The following TBC1D16 variants were observed in gnomAD, a reference collection of about 807,000 sequenced individuals.
TBC1D16 encodes the protein TBC1 domain family member 16, also known as CTD-2529O21.1.
In TBC1D16, 58 loss-of-function variants were observed where a neutral mutation model predicts 74.7. The ratio of observed to expected loss-of-function variants is 0.78; its 90% CI spans 0.63 to 0.97. The LOEUF is 0.97. Among genes scored for constraint, TBC1D16 ranks in the 50% least tolerant of loss-of-function variants. The probability of loss-of-function intolerance (pLI) is 0.00; values close to 1 mark genes in which losing one functional copy is unlikely to be tolerated. For synonymous variants in TBC1D16, 493 were observed against 474.7 expected (o/e 1.04, Z -0.50); for missense variants, 1,014 against 1,079.5 (o/e 0.94, Z 0.85).
At chr17:79,989,131 C>T (rs963523935) in intron 3 of TBC1D16, among the ~76,000 whole-genome samples, 54 of 152,238 alleles carry the variant, frequency 3.5e-4, no homozygotes, top group African/African-American at 1.2e-3. Context: ...AAAGGACACC[C>T]CAAATGTGGA....
Position 79,934,946 on chromosome 17 carries a change from A to AG in TBC1D16, c.*5912dup, listed in dbSNP as rs1398605003. 1 of 152,338 alleles carries AG rather than the reference A, an allele frequency of 6.6e-6. No homozygotes were observed. The highest frequency in any genetic ancestry group is 1.5e-5 in the Non-Finnish European group (1 of 68,128). 9.4% of individuals were successfully genotyped at this position (152,338 alleles called of 1,614,324 possible). On this transcript the variant is annotated 3_prime_UTR_variant, in exon 12 of 12. Transcript: ENST00000310924. ...AGCTCCCCGCCCCCCGTGCTCCGGGAGGACCAGGAGACCTGCTCCATGGGC... is the reference window on the plus strand; with the variant it reads ...AGCTCCCCGCCCCCCGTGCTCCGGGAGGGACCAGGAGACCTGCTCCATGGGC...
intron 3 of TBC1D16, among the ~76,000 whole-genome samples, chr17:79,997,994 G>A (rs562422152): frequency 6.6e-6 from 1 of 152,076 alleles, no homozygotes; most frequent in East Asian, 1.9e-4. Context: ...GTGTGGTGGC[G>A]GGAGCCTGGA....
chr17:79,991,513 A>T lies in TBC1D16; in HGVS notation c.779+18647T>A, dbSNP rs2035056406. Among the ~76,000 whole-genome samples the T allele has an allele frequency of 2.0e-5, 3 of 152,186 alleles. No homozygotes were observed. The South Asian group carries it at 6.2e-4, about 32-fold the overall frequency. ...GAGTGGCGTCTGGCTGACCCTGACC[A>T]GGGGGACCTGGCCCAAGTGAGTGTG... On this transcript the variant is annotated intron_variant, in intron 3 of 11. Transcript: ENST00000310924.
In TBC1D16 at chr17:79,979,105, G is replaced by A. The variant is rs1224475635; in HGVS notation, c.780-26287C>T. ...TGATTCTAAACCAAAGCGCCCTCGT[G>A]GGCTCCACGCTCTCAGCCTGTCCAT... is the stretch of plus-strand genomic sequence containing the variant. On this transcript the variant is annotated intron_variant, in intron 3 of 11. Coordinates refer to ENST00000310924, the MANE Select transcript of TBC1D16 (RefSeq NM_019020.4). This position sits in a 1 kb window ranked among gnomAD's most constrained non-coding sequence, Gnocchi z 4.8. Among the ~76,000 whole-genome samples the A allele has an allele frequency of 6.6e-6, 1 of 152,220 alleles. No homozygotes were observed. The highest frequency in any genetic ancestry group is 1.5e-5 in the Non-Finnish European group (1 of 68,038).
Position 79,987,372 on chromosome 17 carries a change from G to A in TBC1D16, c.779+22788C>T, listed in dbSNP as rs1284891969. Among the ~76,000 whole-genome samples, 3 of 151,640 alleles carry A rather than the reference G, an allele frequency of 2.0e-5. No individual in the cohort carries two copies. Among genetic ancestry groups the A allele is most frequent in the East Asian group, 1.9e-4 (1 of 5,178 alleles). On this transcript the variant is annotated intron_variant, in intron 3 of 11. Coordinates refer to ENST00000310924, the MANE Select transcript of TBC1D16 (RefSeq NM_019020.4). The surrounding 1 kb of genome is among the most constrained non-coding windows in gnomAD (Gnocchi z 5.2). ...AGCGATCCTCCCACTTCAGCCTCCC[G>A]AGTAGCTGGGACCACAGGTGCACGC... is the stretch of plus-strand genomic sequence containing the variant.
intron 1 of TBC1D16, among the ~76,000 whole-genome samples, chr17:80,020,058 T>G (rs1294905514): frequency 6.7e-6 from 1 of 149,540 alleles, no homozygotes; most frequent in Non-Finnish European, 1.5e-5. Flanking sequence ...AGCAGGTGCC[T>G]ATATACAAGG....
At chr17:79,960,590 T>TTA (rs1175538174) in intron 3 of TBC1D16, among the ~76,000 whole-genome samples, 8 of 151,586 alleles carry the variant, frequency 5.3e-5, no homozygotes, top group Non-Finnish European at 1.0e-4. Flanking sequence ...ATCCCGTTTC[T>TTA]GCTAAAAATA....
chr17:79,934,744 C>G lies in TBC1D16; in HGVS notation c.*6115G>C, dbSNP rs1032032690. 9.8e-5 allele frequency: 15 copies of G among 152,448 alleles called. No homozygotes were observed. The highest frequency in any genetic ancestry group is 3.6e-4 in the African/African-American group (15 of 41,456). 9.4% of individuals were successfully genotyped at this position (152,448 alleles called of 1,614,324 possible). The stretch of plus-strand genomic sequence containing the variant: ...AGGAGGTGATGAGGCGCTCAGATGT[C>G]GAGGCCAAGGCCAGGTAGGTGGCAG... On this transcript the variant is annotated 3_prime_UTR_variant, in exon 12 of 12. Transcript: ENST00000310924.
chr17:79,972,768 C>T (rs1014311961), intron 3 of TBC1D16, among the ~76,000 whole-genome samples: 2 of 152,100 alleles, frequency 1.3e-5, no homozygotes, highest in Admixed American at 6.6e-5. Context: ...ATACCCACTG[C>T]CACTCAACTG....
intron 3 of TBC1D16, among the ~76,000 whole-genome samples, chr17:79,957,409 C>T (rs868414701): frequency 6.6e-5 from 10 of 152,158 alleles, no homozygotes; most frequent in Admixed American, 5.2e-4. Flanking sequence ...AACTTCAGTG[C>T]GTCTTACGAA....
rs1016577494 is a variant in TBC1D16 at position 80,008,915 on chromosome 17, C to T, written c.779+1245G>A. On this transcript the variant is annotated intron_variant, in intron 3 of 11. Coordinates refer to ENST00000310924, the MANE Select transcript of TBC1D16 (RefSeq NM_019020.4). The surrounding 1 kb of genome is among the most constrained non-coding windows in gnomAD (Gnocchi z 4.5). Reference sequence around the variant, plus strand: ...ATGCCCCACCACTCCCCGGCTTAATCGGCCTGGGGTGACCTTTTATGCTGC... The same window carrying T: ...ATGCCCCACCACTCCCCGGCTTAATTGGCCTGGGGTGACCTTTTATGCTGC... 2.0e-5 allele frequency among the ~76,000 whole-genome samples: 3 copies of T among 152,344 alleles called. No homozygotes were observed. The highest frequency in any genetic ancestry group is 4.8e-5 in the African/African-American group (2 of 41,586).
At position 79,954,162 on chromosome 17, in the gene TBC1D16, C is replaced by T. The variant is rs987748260; in HGVS notation, c.780-1344G>A. 7.9e-5 allele frequency among the ~76,000 whole-genome samples: 12 copies of T among 152,232 alleles called. No homozygotes were observed. The highest frequency in any genetic ancestry group is 2.9e-4 in the African/African-American group (12 of 41,464). ...TCTGGACCCCAACTGCAGCACCCCACAGAGACTCAGCCGCATTCACCGCAC... is the reference window on the plus strand; with the variant it reads ...TCTGGACCCCAACTGCAGCACCCCATAGAGACTCAGCCGCATTCACCGCAC... On this transcript the variant is annotated intron_variant, in intron 3 of 11. Transcript: ENST00000310924. The surrounding 1 kb of genome is among the most constrained non-coding windows in gnomAD (Gnocchi z 5.5).
rs944438442 is a variant in TBC1D16 at position 80,001,079 on chromosome 17, G to A, written c.779+9081C>T. On this transcript the variant is annotated intron_variant, in intron 3 of 11. Transcript: ENST00000310924. The surrounding 1 kb of genome is among the most constrained non-coding windows in gnomAD (Gnocchi z 5.8). ...GGGCGCCTGCTTGGCTTCTCCGCCT[G>A]ACAGTGAGACTGCTGGGGCGAGGCT... 3.9e-5 allele frequency among the ~76,000 whole-genome samples: 6 copies of A among 152,230 alleles called. No homozygotes were observed. Among genetic ancestry groups the A allele is most frequent in the Admixed American group, 3.3e-4 (5 of 15,288 alleles).
At chr17:80,003,197 C>T (rs370864238) in intron 3 of TBC1D16, among the ~76,000 whole-genome samples, 1 of 152,208 alleles carries the variant, frequency 6.6e-6, no homozygotes, top group East Asian at 1.9e-4. Flanking sequence ...CACCTGTGGC[C>T]GCGCCAACCC....
chr17:79,968,576 G>A (rs926918231), intron 3 of TBC1D16, among the ~76,000 whole-genome samples: 6 of 152,114 alleles, frequency 3.9e-5, no homozygotes, highest in Admixed American at 6.6e-5. Context: ...GAGTGAGGCC[G>A]GGCACGGTGG....
At chr17:80,006,132 A>G (rs1763366692) in intron 3 of TBC1D16, among the ~76,000 whole-genome samples, 1 of 152,116 alleles carries the variant, frequency 6.6e-6, no homozygotes, top group African/African-American at 2.4e-5. Context: ...ATGGCCAGTC[A>G]TCTGGGGTCC....
chr17:80,019,052 T>C (rs1026702441), intron 1 of TBC1D16, among the ~76,000 whole-genome samples: 6 of 150,146 alleles, frequency 4.0e-5, no homozygotes, highest in Non-Finnish European at 7.4e-5. Flanking sequence ...CCTCCTTCTG[T>C]GTTTCAAATG....
rs2031520604 is a variant in TBC1D16 at position 79,935,358 on chromosome 17, C to G, written c.*5501G>C. 2 of 152,298 alleles carry G rather than the reference C, an allele frequency of 1.3e-5. No homozygotes were observed. The highest frequency in any genetic ancestry group is 4.8e-5 in the African/African-American group (2 of 41,470). The allele number at this position is 152,298 out of a possible 1,614,324, so 9.4% of individuals were successfully genotyped here. On this transcript the variant is annotated 3_prime_UTR_variant, in exon 12 of 12. Transcript: ENST00000310924. ...GCCCAGCCTGCAGGCCTAGTGCTGT[C>G]CAACCACAGCCCAGAGGGCAAGGCC... is the stretch of plus-strand genomic sequence containing the variant.
At chr17:80,018,222 A>G (rs1052287143) in intron 1 of TBC1D16, among the ~76,000 whole-genome samples, 1 of 137,750 alleles carries the variant, frequency 7.3e-6, no homozygotes, top group Non-Finnish European at 1.5e-5. Context: ...AATTTTTAGC[A>G]TAATATATCC....
Sources: allele counts gnomAD v4.1 joint callset (sites outside exome capture counted in the v4.1 genomes callset), GRCh38; gene constraint gnomAD v4.1.1; non-coding constraint Gnocchi (gnomAD v3.1); transcripts MANE v1.5; gene names NCBI Gene and HGNC (gene_info 2026-07-23, HGNC 2026-07-21).